The following CYTH1 variants were observed in gnomAD, a reference collection of about 807,000 sequenced individuals.
CYTH1 encodes cytohesin 1, also known as cytohesin-1.
A neutral mutation model predicts 61.8 loss-of-function variants in CYTH1; 18 were observed. The observed-to-expected ratio is 0.29, with a 90% CI of 0.20 to 0.43. CYTH1 has a LOEUF of 0.43. Among genes scored for constraint, CYTH1 ranks in the 20% least tolerant of loss-of-function variants. The pLI is 1.00. For synonymous variants in CYTH1, 174 were observed against 184.3 expected, an observed-to-expected ratio of 0.94 and a Z score of 0.45; for missense variants, 336 against 510.5, an observed-to-expected ratio of 0.66 and a Z score of 3.29.
At chr17:78,758,088 C>T (rs1037586756) in intron 1 of CYTH1, among the ~76,000 whole-genome samples, 1 of 152,124 alleles carries the variant, frequency 6.6e-6, no homozygotes, top group Non-Finnish European at 1.5e-5. Flanking sequence ...CCAGTAAGTC[C>T]ACTTACAGGA....
chr17:78,740,069 G>A (rs889960546), intron 1 of CYTH1, among the ~76,000 whole-genome samples: 24 of 152,192 alleles, frequency 1.6e-4, no homozygotes, highest in African/African-American at 5.6e-4. Context: ...CCGAGTGGCT[G>A]GGATTACAGG....
intron 1 of CYTH1, among the ~76,000 whole-genome samples, chr17:78,780,366 G>A (rs897490821): frequency 2.6e-5 from 4 of 152,134 alleles, no homozygotes; most frequent in Non-Finnish European, 5.9e-5. Flanking sequence ...ATAATTAGCA[G>A]GGCGTGGTAG....
chr17:78,718,267 A>ACG (rs2093199995), intron 1 of CYTH1, among the ~76,000 whole-genome samples: 2 of 136,886 alleles, frequency 1.5e-5, no homozygotes. Context: ...ACACACACAC[A>ACG]CGCTCCTTCT....
chr17:78,739,413 A>G (rs1305043420), intron 1 of CYTH1, among the ~76,000 whole-genome samples: 1 of 152,242 alleles, frequency 6.6e-6, no homozygotes, highest in Non-Finnish European at 1.5e-5. Context: ...GCAGTATGTC[A>G]GAAAATAAGT....
intron 1 of CYTH1, among the ~76,000 whole-genome samples, chr17:78,766,684 C>T (rs905268050): frequency 6.6e-6 from 1 of 152,132 alleles, no homozygotes; most frequent in African/African-American, 2.4e-5. Flanking sequence ...AGATACAAAA[C>T]TCTGTATCCA....
chr17:78,771,150 C>A (rs1380581333), intron 1 of CYTH1, among the ~76,000 whole-genome samples: 3 of 152,204 alleles, frequency 2.0e-5, no homozygotes, highest in Non-Finnish European at 4.4e-5. Context: ...GTAATCCCAG[C>A]TACTCAGGAG....
rs2092682201 is a variant in CYTH1, at chr17:78,674,953, C to CAGAT, written c.*1134_*1137dup. On this transcript the variant is annotated 3_prime_UTR_variant, in exon 14 of 14. Transcript: ENST00000446868. ...CCTCACTCCAGTGCACCCCACGGAGCAGATAAAGGCCCATCTTCCCCTCTA... is the reference window on the plus strand; with the variant it reads ...CCTCACTCCAGTGCACCCCACGGAGCAGATAGATAAAGGCCCATCTTCCCCTCTA... 6.6e-6 allele frequency: 1 copy of CAGAT among 152,510 alleles called. No individual in the cohort carries two copies. The highest frequency in any genetic ancestry group is 2.4e-5 in the African/African-American group (1 of 41,466). The allele number at this position is 152,510 out of a possible 1,614,324, so 9.4% of individuals were successfully genotyped here. A position where few individuals can be genotyped will look rare whatever the true frequency, so the allele number is the denominator to read the frequency against.
intron 1 of CYTH1, among the ~76,000 whole-genome samples, chr17:78,732,692 G>A (rs772547537): frequency 1.2e-4 from 18 of 152,284 alleles, no homozygotes; most frequent in South Asian, 4.1e-4. Flanking sequence ...TATCTAGGGG[G>A]ATATGAATTG....
At chr17:78,682,128 C>A (rs12451377) in intron 11 of CYTH1, among the ~76,000 whole-genome samples, 39,463 of 151,926 alleles carry the variant, frequency 0.26, 6,148 homozygotes, top group East Asian at 0.35. Flanking sequence ...TAGGGCTATA[C>A]ACAGTGTCTT....
intron 11 of CYTH1, 81 bp from the exon 12 acceptor site, chr17:78,681,123 C>A: frequency 7.1e-7 from 1 of 1,403,406 alleles, no homozygotes; most frequent in South Asian, 1.2e-5. Context: ...GTGACTCAGC[C>A]GAACTTTCCT....
intron 1 of CYTH1, among the ~76,000 whole-genome samples, chr17:78,781,343 C>T (rs894926910): frequency 1.3e-5 from 2 of 152,256 alleles, no homozygotes; most frequent in African/African-American, 2.4e-5. Context: ...AATAAATTAA[C>T]TACAGCATGT....
chr17:78,690,546 A>G (rs180696017), intron 11 of CYTH1, among the ~76,000 whole-genome samples: 1 of 152,034 alleles, frequency 6.6e-6, no homozygotes, highest in East Asian at 1.9e-4. Context: ...ACAAAACAAA[A>G]AAAAACGGAT....
At chr17:78,708,295 G>A (rs1396144519) in intron 2 of CYTH1, 34 bp from the exon 3 acceptor site, 1 of 1,578,448 alleles carries the variant, frequency 6.3e-7, no homozygotes, top group South Asian at 1.1e-5. Flanking sequence ...CAGCAGGAAA[G>A]GCAGATGCAG....
intron 1 of CYTH1, among the ~76,000 whole-genome samples, chr17:78,733,282 A>G (rs1005598052): frequency 2.0e-5 from 3 of 152,082 alleles, no homozygotes; most frequent in African/African-American, 7.2e-5. Context: ...CCACTTTTTT[A>G]AATTTTCCAA....
Position 78,700,311 on chromosome 17 carries a change from G to A in CYTH1, c.550+20C>T. The A allele has an allele frequency of 1.3e-6, 2 of 1,583,512 alleles. No homozygotes were observed. Among genetic ancestry groups the A allele is most frequent in the Non-Finnish European group, 1.7e-6 (2 of 1,163,838 alleles). On this transcript the variant is annotated intron_variant, in intron 7 of 13. Transcript: ENST00000446868. This position sits in a 1 kb window ranked among gnomAD's most constrained non-coding sequence, Gnocchi z 5.1. ...AGTGTAAAACGCCCATCATAAACTA[G>A]GATGAATGATCGTATTTACCCGTGG... is the stretch of plus-strand genomic sequence containing the variant.
chr17:78,690,006 C>T (rs1393571592), intron 11 of CYTH1, among the ~76,000 whole-genome samples: 2 of 151,950 alleles, frequency 1.3e-5, no homozygotes, highest in East Asian at 1.9e-4. Context: ...ATTCGTTCTG[C>T]CCCTTCCCCT....
chr17:78,736,366 TA>T (rs1730963535), intron 1 of CYTH1, among the ~76,000 whole-genome samples: 1 of 152,116 alleles, frequency 6.6e-6, no homozygotes, highest in Admixed American at 6.5e-5. Context: ...TTCTTTGGTT[TA>T]AAAACACTGA....
At chr17:78,696,367 G>A (rs1489450501) in intron 9 of CYTH1, among the ~76,000 whole-genome samples, 1 of 152,224 alleles carries the variant, frequency 6.6e-6, no homozygotes, top group Non-Finnish European at 1.5e-5. Flanking sequence ...GGTTATTTCA[G>A]GGAAAATTAA....
At chr17:78,746,311 C>A (rs1447528003) in intron 1 of CYTH1, among the ~76,000 whole-genome samples, 1 of 152,124 alleles carries the variant, frequency 6.6e-6, no homozygotes, top group African/African-American at 2.4e-5. Flanking sequence ...AAAAAATATT[C>A]AGGATTCTCT....
Sources: allele counts gnomAD v4.1 joint callset (sites outside exome capture counted in the v4.1 genomes callset), GRCh38; gene constraint gnomAD v4.1.1; non-coding constraint Gnocchi (gnomAD v3.1); transcripts MANE v1.5; gene names NCBI Gene and HGNC (gene_info 2026-07-23, HGNC 2026-07-21).